The following SNAPC3 variants were observed in gnomAD, a reference collection of about 807,000 sequenced individuals.
SNAPC3 encodes the protein snRNA-activating protein complex subunit 3.
A neutral mutation model predicts 47.7 loss-of-function variants in SNAPC3; 56 were observed. That is an observed-to-expected ratio of 1.18 (90% confidence interval 0.95 to 1.47). SNAPC3 has a LOEUF of 1.47. Among genes scored for constraint, SNAPC3 ranks in the 40% most tolerant of loss-of-function variants. The pLI, the probability that SNAPC3 is intolerant of heterozygous loss-of-function variation, is 0.00. For missense variants in SNAPC3, 665 were observed against 511.3 expected (o/e 1.30, Z -2.90); for synonymous variants, 235 against 189.9 (o/e 1.24, Z -1.95).
chr9:15,444,545 A>G (rs1377478996), intron 3 of SNAPC3, 57 bp from the exon 4 acceptor site: 4 of 1,105,952 alleles, frequency 3.6e-6, no homozygotes, highest in Non-Finnish European at 4.1e-6. Flanking sequence ...ATTGTACCAC[A>G]CTGCATCTTA....
At chr9:15,456,523 A>G (rs534731381) in intron 7 of SNAPC3, among the ~76,000 whole-genome samples, 1 of 151,962 alleles carries the variant, frequency 6.6e-6, no homozygotes, top group East Asian at 1.9e-4. Context: ...GTTGGAGTGC[A>G]GTGGCAAAAT....
rs147358703 is a variant in SNAPC3, at chr9:15,435,937, A to G, written c.477+2301A>G. On this transcript the variant is annotated intron_variant, in intron 3 of 8. Coordinates refer to ENST00000380821, the MANE Select transcript of SNAPC3 (RefSeq NM_001039697.2). ...TAGCTCACTGCAACCTCCATCTCCC[A>G]GGTTCAAGTGATGCTTCTGCATCTG... Among the ~76,000 whole-genome samples, 624 of 143,180 alleles carry G rather than the reference A, an allele frequency of 4.4e-3. 1 individual carries two copies. Among genetic ancestry groups the G allele is most frequent in the African/African-American group, 0.015 (561 of 38,400 alleles). The allele number at this position is 143,180 out of a possible 152,430, so 93.9% of individuals were successfully genotyped here. A position where few individuals can be genotyped will look rare whatever the true frequency, so the allele number is the denominator to read the frequency against.
At chr9:15,451,204 G>GT (rs933328697) in intron 5 of SNAPC3, 116 bp from the exon 6 acceptor site, 4 of 315,884 alleles carry the variant, frequency 1.3e-5, no homozygotes, top group Non-Finnish European at 2.1e-5. Flanking sequence ...AATAGTAGCA[G>GT]TTTTTTAACA....
intron 3 of SNAPC3, among the ~76,000 whole-genome samples, chr9:15,443,289 A>G (rs2033658161): frequency 6.6e-6 from 1 of 152,200 alleles, no homozygotes; most frequent in African/African-American, 2.4e-5. Context: ...TAATTAATTG[A>G]CACTTTGACT....
intron 3 of SNAPC3, among the ~76,000 whole-genome samples, chr9:15,442,427 G>A (rs1371041255): frequency 2.0e-5 from 3 of 150,522 alleles, no homozygotes; most frequent in African/African-American, 7.4e-5. Context: ...GGCGGCTGCC[G>A]GGCGGAGGGC....
chr9:15,441,888 C>T lies in SNAPC3; in HGVS notation c.478-2714C>T, dbSNP rs541869896. Among the ~76,000 whole-genome samples the T allele has an allele frequency of 4.4e-3, 677 of 152,230 alleles. 3 individuals carry two copies. Among genetic ancestry groups the T allele is most frequent in the African/African-American group, 0.016 (645 of 41,516 alleles). ...CAAAACCGCCATCGTCATCATGGCC[C>T]GTTCTCAATGAGCTGTTGGGTACAC... On this transcript the variant is annotated intron_variant, in intron 3 of 8. Coordinates refer to ENST00000380821, the MANE Select transcript of SNAPC3 (RefSeq NM_001039697.2).
At position 15,444,626 on chromosome 9, in the gene SNAPC3, C is replaced by T. The variant is rs1248042994; in HGVS notation, c.502C>T (p.Pro168Ser). Reference protein sequence around the residue: ...EMESHAIGKKPENSADMIEEG... With the variant: ...EMESHAIGKKSENSADMIEEG... ...GGAGTCACATGCCATAGGAAAAAAG[C>T]CTGAAAATTCAGCAGACATGATTGA... Residue 168 changes from proline to serine, a missense_variant, in exon 4 of 9, where the codon CCT becomes TCT. Coordinates refer to ENST00000380821, the MANE Select transcript of SNAPC3 (RefSeq NM_001039697.2). 5.0e-6 allele frequency: 8 copies of T among 1,611,460 alleles called. No individual in the cohort carries two copies. Among genetic ancestry groups the T allele is most frequent in the South Asian group, 3.3e-5 (3 of 90,982 alleles).
At chr9:15,434,835 C>T (rs1187432872) in intron 3 of SNAPC3, among the ~76,000 whole-genome samples, 1 of 152,052 alleles carries the variant, frequency 6.6e-6, no homozygotes, top group Non-Finnish European at 1.5e-5. Context: ...TCTATTTATC[C>T]GTTGATAGAC....
intron 3 of SNAPC3, 88 bp from the exon 4 acceptor site, chr9:15,444,514 C>A: frequency 2.5e-6 from 2 of 784,714 alleles, no homozygotes; most frequent in Non-Finnish European, 4.3e-6. Context: ...GGCTGCTTGA[C>A]TCGATCCCTT....
chr9:15,459,896 C>T lies in SNAPC3; in HGVS notation c.*30C>T. On this transcript the variant is annotated 3_prime_UTR_variant, in exon 9 of 9. Coordinates refer to ENST00000380821, the MANE Select transcript of SNAPC3 (RefSeq NM_001039697.2). ...AGCTACACTCACAAAAATACCCCCT[C>T]ATGAAATAACTGTTCTCTTGGATGG... 9 of 1,588,968 alleles carry T rather than the reference C, an allele frequency of 5.7e-6. No individual in the cohort carries two copies. Among genetic ancestry groups the T allele is most frequent in the Non-Finnish European group, 7.7e-6 (9 of 1,163,226 alleles).
chr9:15,437,100 C>G (rs1054015529), intron 3 of SNAPC3, among the ~76,000 whole-genome samples: 1 of 152,138 alleles, frequency 6.6e-6, no homozygotes, highest in Non-Finnish European at 1.5e-5. Flanking sequence ...GCTGGGATTA[C>G]AGACGTGAGC....
At chr9:15,423,522 C>CT (rs1304234906) in intron 1 of SNAPC3, among the ~76,000 whole-genome samples, 1 of 152,178 alleles carries the variant, frequency 6.6e-6, no homozygotes, top group African/African-American at 2.4e-5. Context: ...TTGACAGACA[C>CT]TTTGACAATG....
At chr9:15,440,646 A>G (rs1356482294) in intron 3 of SNAPC3, among the ~76,000 whole-genome samples, 1 of 152,134 alleles carries the variant, frequency 6.6e-6, no homozygotes, top group Non-Finnish European at 1.5e-5. Context: ...GGCTACATAG[A>G]TAGATAGATT....
At chr9:15,450,428 A>G (rs112074649) in intron 5 of SNAPC3, among the ~76,000 whole-genome samples, 17 of 152,338 alleles carry the variant, frequency 1.1e-4, no homozygotes, top group African/African-American at 3.8e-4. Flanking sequence ...TCTCCTATAC[A>G]TAAATTGCTT....
intron 5 of SNAPC3, among the ~76,000 whole-genome samples, chr9:15,448,488 T>C (rs897173043): frequency 2.0e-5 from 3 of 152,232 alleles, no homozygotes; most frequent in Non-Finnish European, 2.9e-5. Flanking sequence ...TCACCAATTA[T>C]ATGCAATTTT....
At position 15,461,328 on chromosome 9, in the gene SNAPC3, A is replaced by C. The variant is rs1344448929; in HGVS notation, c.*1462A>C. On this transcript the variant is annotated 3_prime_UTR_variant, in exon 9 of 9. Coordinates refer to ENST00000380821, the MANE Select transcript of SNAPC3 (RefSeq NM_001039697.2). ...TGGCACAGGCCACCATGGCGGGCTA[A>C]TTTTTTTATTTCTTGTAGATACAGG... 2 of 152,068 alleles carry C rather than the reference A, an allele frequency of 1.3e-5. No homozygotes were observed. Among genetic ancestry groups the C allele is most frequent in the African/African-American group, 4.8e-5 (2 of 41,394 alleles). 9.4% of individuals were successfully genotyped at this position (152,068 alleles called of 1,614,324 possible).
At chr9:15,465,567 C>G (rs768464354), downstream of SNAPC3, 73 of 1,585,342 alleles carry the variant, frequency 4.6e-5, no homozygotes, top group Non-Finnish European at 6.0e-5. Context: ...GTCTCTCTCT[C>G]TTCACTGGAT....
intron 6 of SNAPC3, 66 bp from the exon 7 acceptor site, chr9:15,452,975 A>G: frequency 1.5e-6 from 2 of 1,351,644 alleles, no homozygotes; most frequent in South Asian, 1.4e-5. Flanking sequence ...TGCAATCACA[A>G]ACTGTTTTCT....
rs1283400239 is a variant in SNAPC3 at position 15,461,132 on chromosome 9, T to C, written c.*1266T>C. 1 of 151,742 alleles carries C rather than the reference T, an allele frequency of 6.6e-6. No homozygotes were observed. The highest frequency in any genetic ancestry group is 1.5e-5 in the Non-Finnish European group (1 of 67,936). The allele number at this position is 151,742 out of a possible 1,614,324, so 9.4% of individuals were successfully genotyped here. A position where few individuals can be genotyped will look rare whatever the true frequency, so the allele number is the denominator to read the frequency against. ...AGTAATTCTAGTTACTCTCATCTTATTCTGAGGAAAAAAAAAAAAACCAAA... is the reference window on the plus strand; with the variant it reads ...AGTAATTCTAGTTACTCTCATCTTACTCTGAGGAAAAAAAAAAAAACCAAA... On this transcript the variant is annotated 3_prime_UTR_variant, in exon 9 of 9. Coordinates refer to ENST00000380821, the MANE Select transcript of SNAPC3 (RefSeq NM_001039697.2).
Sources: allele counts gnomAD v4.1 joint callset (sites outside exome capture counted in the v4.1 genomes callset), GRCh38; gene constraint gnomAD v4.1.1; transcripts MANE v1.5; gene names NCBI Gene and HGNC (gene_info 2026-07-23, HGNC 2026-07-21).